The following CRHR1 variants were observed in gnomAD, a reference collection of about 807,000 sequenced individuals.
CRHR1 encodes corticotropin releasing hormone receptor 1.
In CRHR1, 28 loss-of-function variants were observed where a neutral mutation model predicts 56.0. The observed-to-expected ratio is 0.50, with a 90% CI of 0.37 to 0.69. The LOEUF (loss-of-function observed/expected upper bound fraction) is 0.69, where lower values mean the gene tolerates loss of function less well. CRHR1 is among the 30% of genes least tolerant of loss of function. The pLI is 0.00. For missense variants in CRHR1, 376 were observed against 548.0 expected (o/e 0.69, Z 3.13); for synonymous variants, 195 against 216.5 (o/e 0.90, Z 0.87).
intron 1 of CRHR1, among the ~76,000 whole-genome samples, chr17:45,786,636 C>CTTTT (rs34895436): frequency 9.2e-6 from 1 of 108,402 alleles, no homozygotes; most frequent in Non-Finnish European, 1.8e-5. Context: ...AGAAAATATC[C>CTTTT]TTTTTTTTTT....
intron 3 of CRHR1, among the ~76,000 whole-genome samples, chr17:45,818,911 C>T (rs1268858371): frequency 6.6e-6 from 1 of 152,180 alleles, no homozygotes; most frequent in Non-Finnish European, 1.5e-5. Context: ...CAATTAAAGA[C>T]AAGGAGGTCG....
intron 1 of CRHR1, among the ~76,000 whole-genome samples, chr17:45,790,600 C>T (rs1377316039): frequency 6.6e-6 from 1 of 152,158 alleles, no homozygotes; most frequent in Non-Finnish European, 1.5e-5. Context: ...ACTGTTGGGC[C>T]CAGAGAGAAG....
chr17:45,801,975 A>G (rs2061631447), intron 1 of CRHR1, among the ~76,000 whole-genome samples: 1 of 151,030 alleles, frequency 6.6e-6, no homozygotes, highest in Non-Finnish European at 1.5e-5. Context: ...AAATCTTCAC[A>G]CTGCCCGCTC....
intron 1 of CRHR1, among the ~76,000 whole-genome samples, chr17:45,801,347 G>A (rs2061618026): frequency 6.6e-6 from 1 of 152,222 alleles, no homozygotes; most frequent in Non-Finnish European, 1.5e-5. Flanking sequence ...CCTAAAAACA[G>A]TTATGTGACA....
chr17:45,830,713 C>A, intron 7 of CRHR1, 143 bp downstream of exon 7: 1 of 1,229,814 alleles, frequency 8.1e-7, no homozygotes, highest in Non-Finnish European at 1.1e-6. Flanking sequence ...GCCCTCTGCT[C>A]CTCTTGGGGG....
intron 1 of CRHR1, among the ~76,000 whole-genome samples, chr17:45,791,850 TCTCACACACA>T (rs904285075): frequency 8.9e-6 from 1 of 112,154 alleles, no homozygotes; most frequent in African/African-American, 3.1e-5. Flanking sequence ...TCTCTCTCTC[TCTCACACACA>T]CACACACACA....
intron 1 of CRHR1, among the ~76,000 whole-genome samples, chr17:45,804,265 TG>T (rs145226379): frequency 0.014 from 2,138 of 152,222 alleles, 56 homozygotes; most frequent in African/African-American, 0.048. Context: ...GGTGTGAGGC[TG>T]GGGTTATGCT....
At chr17:45,806,341 C>T (rs1289151204) in intron 1 of CRHR1, among the ~76,000 whole-genome samples, 1 of 152,212 alleles carries the variant, frequency 6.6e-6, no homozygotes, top group African/African-American at 2.4e-5. Context: ...TCTTTCCAGA[C>T]ACATTTATCC....
At chr17:45,833,693 T>TGGGGGGGGCCCCCCCC in intron 10 of CRHR1, 21 bp from the exon 11 acceptor site, 2 of 1,571,592 alleles carry the variant, frequency 1.3e-6, no homozygotes, top group Non-Finnish European at 8.7e-7. Context: ...ACTCCGAGCC[T>TGGGGGGGGCCCCCCCC]CCCCACCCGC....
intron 2 of CRHR1, among the ~76,000 whole-genome samples, chr17:45,809,784 G>A (rs1218406192): frequency 6.6e-6 from 1 of 152,254 alleles, no homozygotes; most frequent in Non-Finnish European, 1.5e-5. Flanking sequence ...CCAGGAACTG[G>A]GAGAGAGTGG....
At chr17:45,824,403 G>T (rs1306614521) in intron 4 of CRHR1, among the ~76,000 whole-genome samples, 2 of 152,200 alleles carry the variant, frequency 1.3e-5, no homozygotes, top group Non-Finnish European at 2.9e-5. Context: ...CCTCCTGAGG[G>T]TCAGCGCGGG....
At chr17:45,832,140 G>C (rs2062327199) in intron 8 of CRHR1, among the ~76,000 whole-genome samples, 1 of 152,198 alleles carries the variant, frequency 6.6e-6, no homozygotes, top group Admixed American at 6.5e-5. Flanking sequence ...GCTGAGGCAG[G>C]AGAATCTCTT....
intron 2 of CRHR1, among the ~76,000 whole-genome samples, chr17:45,812,058 T>C (rs1261054698): frequency 6.6e-6 from 1 of 152,218 alleles, no homozygotes; most frequent in Non-Finnish European, 1.5e-5. Flanking sequence ...CCCAAGTCAC[T>C]GATATAAAAT....
chr17:45,803,274 C>T (rs1008458517), intron 1 of CRHR1, among the ~76,000 whole-genome samples: 3 of 152,104 alleles, frequency 2.0e-5, no homozygotes, highest in Non-Finnish European at 4.4e-5. Context: ...TATGAAAGAC[C>T]GGAGCACGAA....
chr17:45,829,298 C>T lies in CRHR1; in HGVS notation c.411C>T (p.Ala137=), dbSNP rs369849297. 6.2e-7 allele frequency: 1 copy of T among 1,613,998 alleles called. No individual in the cohort carries two copies. Residue 137 remains alanine (A), a synonymous_variant, in exon 5 of 13, where the codon GCC becomes GCT. Transcript: ENST00000314537. ...HCISLVALLV[A]FVLFLRLRSI... ...TCTCCCTGGTGGCCCTCCTGGTGGC[C>T]TTTGTCCTCTTTCTGCGGCTCAGGT...
intron 3 of CRHR1, 60 bp from the exon 4 acceptor site, chr17:45,821,295 G>T: frequency 6.7e-7 from 1 of 1,488,356 alleles, no homozygotes. Context: ...ATCTGGGCCA[G>T]GATGGTCAGG....
At chr17:45,797,166 T>C (rs1054400912) in intron 1 of CRHR1, among the ~76,000 whole-genome samples, 2 of 151,956 alleles carry the variant, frequency 1.3e-5, no homozygotes, top group Admixed American at 1.3e-4. Context: ...CAAGGGGCAC[T>C]TCTGGGAAGA....
chr17:45,789,219 G>A (rs1226289265), intron 1 of CRHR1, among the ~76,000 whole-genome samples: 2 of 152,190 alleles, frequency 1.3e-5, no homozygotes, highest in African/African-American at 4.8e-5. Flanking sequence ...AACTGCTCAC[G>A]GTATCAACCA....
chr17:45,808,778 A>G (rs1422081797), intron 2 of CRHR1, among the ~76,000 whole-genome samples: 2 of 152,140 alleles, frequency 1.3e-5, no homozygotes, highest in African/African-American at 4.8e-5. Context: ...CCTCCTGAGA[A>G]GCTAGGACTA....
Sources: gnomAD v4.1 joint callset for allele counts (sites outside exome capture counted in the v4.1 genomes callset) on GRCh38, gnomAD v4.1.1 for gene constraint, MANE v1.5 for transcripts, NCBI Gene and HGNC (gene_info 2026-07-23, HGNC 2026-07-21) for gene names.